The following PCDHGB3 variants were observed in gnomAD, a reference collection of about 807,000 sequenced individuals.
PCDHGB3 encodes the protein protocadherin gamma-B3.
PCDHGB3 carries 40 observed loss-of-function variants against 59.2 expected under a neutral mutation model. The ratio of observed to expected loss-of-function variants is 0.68; its 90% CI spans 0.52 to 0.88. PCDHGB3 has a LOEUF of 0.88. Among genes scored for constraint, PCDHGB3 ranks in the 40% least tolerant of loss-of-function variants. PCDHGB3 has a pLI of 0.00. For synonymous variants in PCDHGB3, 581 were observed against 503.6 expected (o/e 1.15, Z -2.06); for missense variants, 1,309 against 1,187.9 (o/e 1.10, Z -1.50).
intron 1 of PCDHGB3, among the ~76,000 whole-genome samples, chr5:141,450,025 G>C (rs963999877): frequency 2.7e-5 from 1 of 36,752 alleles, no homozygotes; most frequent in Non-Finnish European, 5.4e-5. Context: ...TTTTTTTTTT[G>C]AGACAGGGTC....
In PCDHGB3 at chr5:141,477,029, A is replaced by C; in HGVS notation, c.2416-17778A>C. 6.2e-7 allele frequency: 1 copy of C among 1,614,238 alleles called. No homozygotes were observed. The highest frequency in any genetic ancestry group is 8.5e-7 in the Non-Finnish European group (1 of 1,180,040). Reference sequence around the variant, plus strand: ...CTTAGACCTTGTAACCGGGATGCTGACAATCAAGGGTCGGCTGGACTTCGA... The same window carrying C: ...CTTAGACCTTGTAACCGGGATGCTGCCAATCAAGGGTCGGCTGGACTTCGA... On this transcript the variant is annotated intron_variant, in intron 1 of 3. Transcript: ENST00000576222. This position sits in a 1 kb window ranked among gnomAD's most constrained non-coding sequence, Gnocchi z 4.9.
In PCDHGB3 at chr5:141,374,100, G is replaced by A. The variant is rs767728339; in HGVS notation, c.2415+1291G>A. ...AAGCCAGTAATGGCGCCTCCGCAGA[G>A]GCATCCGCAGCGCAGCGAGCAGGTC... On this transcript the variant is annotated intron_variant, in intron 1 of 3. Coordinates refer to ENST00000576222, the MANE Select transcript of PCDHGB3 (RefSeq NM_018924.5). 5.1e-6 allele frequency: 8 copies of A among 1,564,992 alleles called. No individual in the cohort carries two copies. The highest frequency in any genetic ancestry group is 6.1e-6 in the Non-Finnish European group (7 of 1,153,928).
chr5:141,392,841 C>A (rs1464167244), intron 1 of PCDHGB3: 2 of 1,608,680 alleles, frequency 1.2e-6, no homozygotes, highest in Non-Finnish European at 1.7e-6. Flanking sequence ...TCGCCCCAGA[C>A]GCGGCGAGCT....
intron 1 of PCDHGB3, among the ~76,000 whole-genome samples, chr5:141,483,993 G>T (rs1307708919): frequency 6.8e-6 from 1 of 147,882 alleles, no homozygotes; most frequent in Non-Finnish European, 1.5e-5. Flanking sequence ...AGGTTGCTGG[G>T]AGGTCTGGAT....
At chr5:141,389,855 G>GAGAGC (rs2091946783) in intron 1 of PCDHGB3, 1 of 1,613,942 alleles carries the variant, frequency 6.2e-7, no homozygotes, top group Non-Finnish European at 8.5e-7. Flanking sequence ...CCACTGCCAC[G>GAGAGC]TTGCACCTGG....
chr5:141,500,497 C>T (rs1214550546), intron 2 of PCDHGB3, among the ~76,000 whole-genome samples: 1 of 152,174 alleles, frequency 6.6e-6, no homozygotes, highest in Non-Finnish European at 1.5e-5. Context: ...GCGTGAGCCA[C>T]CGCGCCTGGC....
chr5:141,390,297 G>C, intron 1 of PCDHGB3: 2 of 1,613,826 alleles, frequency 1.2e-6, no homozygotes, highest in Non-Finnish European at 1.7e-6. Context: ...TTTCCTTTAA[G>C]TATAATTTAA....
At chr5:141,450,549 C>T (rs1414500813) in intron 1 of PCDHGB3, among the ~76,000 whole-genome samples, 2 of 151,756 alleles carry the variant, frequency 1.3e-5, no homozygotes, top group Non-Finnish European at 2.9e-5. Context: ...TGCAGTGGCG[C>T]AGTCTCGGCT....
intron 1 of PCDHGB3, chr5:141,407,978 A>ATCCGTCAGCCTCTGGCCTGGGAT (rs2095018425): frequency 2.7e-6 from 2 of 743,974 alleles, no homozygotes; most frequent in Non-Finnish European, 4.1e-6. Context: ...GACGCCGGGG[A>ATCCGTCAGCCTCTGGCCTGGGAT]TCCGTCAGCC....
chr5:141,383,072 AG>A lies in PCDHGB3; in HGVS notation c.2415+10264del, dbSNP rs747790551. ...AAGGACCTGGGGCTGGAGCCCCGGG[AG>A]CTGGCGGAGCGCGGAGTCCGCATCA... On this transcript the variant is annotated intron_variant, in intron 1 of 3. Transcript: ENST00000576222. The A allele has an allele frequency of 4.3e-6, 7 of 1,613,710 alleles. No homozygotes were observed. In the African/African-American group the frequency reaches 6.7e-5, roughly 15 times the overall value.
At chr5:141,448,990 T>C (rs1419678645) in intron 1 of PCDHGB3, among the ~76,000 whole-genome samples, 1 of 152,070 alleles carries the variant, frequency 6.6e-6, no homozygotes, top group Non-Finnish European at 1.5e-5. Flanking sequence ...TATTAATATA[T>C]AGAAAGCTGT....
chr5:141,429,534 A>G (rs1036595279), intron 1 of PCDHGB3, among the ~76,000 whole-genome samples: 1 of 152,222 alleles, frequency 6.6e-6, no homozygotes. Context: ...GCTTAAAAAA[A>G]TAAGAACATG....
intron 1 of PCDHGB3, among the ~76,000 whole-genome samples, chr5:141,402,432 TA>T (rs1325787840): frequency 6.6e-6 from 1 of 152,042 alleles, no homozygotes; most frequent in Non-Finnish European, 1.5e-5. Flanking sequence ...TGAAGCATCA[TA>T]AAAAGGAAAT....
intron 1 of PCDHGB3, among the ~76,000 whole-genome samples, chr5:141,461,233 G>T (rs2099011336): frequency 6.6e-6 from 1 of 152,028 alleles, no homozygotes; most frequent in East Asian, 1.9e-4. Context: ...CATAGAGGTT[G>T]TACTAATTTA....
At chr5:141,457,116 C>T (rs933634563) in intron 1 of PCDHGB3, among the ~76,000 whole-genome samples, 5 of 152,176 alleles carry the variant, frequency 3.3e-5, no homozygotes, top group Non-Finnish European at 7.3e-5. Flanking sequence ...AATACGACAG[C>T]AATGGAAACT....
rs781267293 is a variant in PCDHGB3 at position 141,489,926 on chromosome 5, C to T, written c.2416-4881C>T. 1.2e-6 allele frequency: 2 copies of T among 1,614,222 alleles called. No individual in the cohort carries two copies. The highest frequency in any genetic ancestry group is 2.2e-5 in the East Asian group (1 of 44,878). On this transcript the variant is annotated intron_variant, in intron 1 of 3. Coordinates refer to ENST00000576222, the MANE Select transcript of PCDHGB3 (RefSeq NM_018924.5). The surrounding 1 kb of genome is among the most constrained non-coding windows in gnomAD (Gnocchi z 4.5). Reference sequence around the variant, plus strand: ...GCCCGCTCAGGGACCACCCTTATCTCTGTCATCGTGCTGGACATCAATGAT... The same window carrying T: ...GCCCGCTCAGGGACCACCCTTATCTTTGTCATCGTGCTGGACATCAATGAT...
rs777727544 is a variant in PCDHGB3 at position 141,372,236 on chromosome 5, C to G, written c.1842C>G (p.Pro614=). The G allele has an allele frequency of 1.2e-6, 2 of 1,613,204 alleles. No individual in the cohort carries two copies. Among genetic ancestry groups the G allele is most frequent in the East Asian group, 4.5e-5 (2 of 44,872 alleles). The change falls in exon 1 of 4, where the codon CCC becomes CCG. Residue 614 remains proline, a synonymous_variant. Transcript: ENST00000576222. ...ACCACATTGTGCAGGCCAGCGAGCC[C>G]GGGCTGTTCAGCCTGGGCCTGCGCA... ...LSYHIVQASE[P]GLFSLGLRTG... is the part of the protein sequence containing the mutation.
At chr5:141,405,240 C>G (rs2094630274) in intron 1 of PCDHGB3, 4 of 1,614,136 alleles carry the variant, frequency 2.5e-6, no homozygotes, top group African/African-American at 2.7e-5. Context: ...ACCGCTGACT[C>G]AAGGAAGAGT....
intron 1 of PCDHGB3, chr5:141,376,373 C>G (rs368702591): frequency 1.2e-6 from 2 of 1,614,192 alleles, no homozygotes; most frequent in Non-Finnish European, 1.7e-6. Flanking sequence ...TGCAGACTCG[C>G]GTAAGAGTCA....
Sources: gnomAD v4.1 joint callset for allele counts (sites outside exome capture counted in the v4.1 genomes callset) on GRCh38, gnomAD v4.1.1 for gene constraint, Gnocchi (gnomAD v3.1) non-coding constraint, MANE v1.5 for transcripts, NCBI Gene and HGNC (gene_info 2026-07-23, HGNC 2026-07-21) for gene names.